Variants in RSF1 observed in about 807,000 individuals in gnomAD.
RSF1 encodes the protein HBV pX-associated protein 8.
A neutral mutation model predicts 145.2 loss-of-function variants in RSF1; 13 were observed. That is an observed-to-expected ratio of 0.09 (90% confidence interval 0.06 to 0.14). The LOEUF (loss-of-function observed/expected upper bound fraction) is 0.14, where lower values mean the gene tolerates loss of function less well. RSF1 is among the 10% of genes least tolerant of loss of function. RSF1 has a pLI of 1.00. For missense variants in RSF1, 1,517 were observed against 1,718.2 expected, an observed-to-expected ratio of 0.88 and a Z score of 2.07; for synonymous variants, 577 against 592.6, an observed-to-expected ratio of 0.97 and a Z score of 0.38.
chr11:77,672,177 G>T lies in RSF1; in HGVS notation c.3616C>A (p.Arg1206=). ...SDDFVETRRR[R]SRRNQKRQIN... is the part of the protein sequence containing the mutation. ...TGTCTTTTCTGATTTCTCCTTGACC[G>T]CCTTCGCCGAGTTTCTACAAAATCA... Residue 1206 remains arginine (R), a synonymous_variant, in exon 15 of 16, where the codon CGG becomes AGG. Coordinates refer to ENST00000308488, the MANE Select transcript of RSF1 (RefSeq NM_016578.4). 7 of 1,610,764 alleles carry T rather than the reference G, an allele frequency of 4.3e-6. No homozygotes were observed. Among genetic ancestry groups the T allele is most frequent in the Non-Finnish European group, 5.9e-6 (7 of 1,178,942 alleles).
At chr11:77,707,530 A>G (rs1960578776) in intron 5 of RSF1, among the ~76,000 whole-genome samples, 1 of 152,242 alleles carries the variant, frequency 6.6e-6, no homozygotes, top group Non-Finnish European at 1.5e-5. Context: ...AAACAAAATT[A>G]GCCATGGATG....
At chr11:77,709,688 C>CT (rs762002217) in intron 5 of RSF1, among the ~76,000 whole-genome samples, 37 of 145,706 alleles carry the variant, frequency 2.5e-4, no homozygotes, top group Non-Finnish European at 4.9e-4. Flanking sequence ...TGAATTTGTG[C>CT]CAATTCTTTT....
intron 1 of RSF1, among the ~76,000 whole-genome samples, chr11:77,807,011 A>G (rs773849974): frequency 1.3e-5 from 2 of 152,256 alleles, no homozygotes; most frequent in Non-Finnish European, 2.9e-5. Flanking sequence ...AATTCCTTAT[A>G]GAATTTATTG....
At chr11:77,732,448 T>C (rs1040273798) in intron 4 of RSF1, among the ~76,000 whole-genome samples, 3 of 152,268 alleles carry the variant, frequency 2.0e-5, no homozygotes, top group African/African-American at 4.8e-5. Context: ...TGGGAAGGCA[T>C]GATTGGTTTT....
intron 2 of RSF1, among the ~76,000 whole-genome samples, chr11:77,754,814 G>A (rs1234679538): frequency 2.0e-5 from 3 of 151,606 alleles, no homozygotes; most frequent in African/African-American, 7.3e-5. Flanking sequence ...GCTCATGTGT[G>A]TAGTCCCAGC....
intron 5 of RSF1, among the ~76,000 whole-genome samples, chr11:77,706,568 C>T (rs760829005): frequency 6.6e-6 from 1 of 152,136 alleles, no homozygotes; most frequent in Admixed American, 6.5e-5. Flanking sequence ...AATTCAGTTT[C>T]CCAAAGCTGC....
At chr11:77,736,786 C>G (rs1487151333) in intron 4 of RSF1, among the ~76,000 whole-genome samples, 2 of 152,190 alleles carry the variant, frequency 1.3e-5, no homozygotes, top group Non-Finnish European at 2.9e-5. Flanking sequence ...CTATTCTTTA[C>G]AAGTTGAGGC....
rs398045289 is a variant in RSF1 at position 77,729,895 on chromosome 11, C to CAAAAAAAAAAAAAAAAAAAAAAAA, written c.579-4220_579-4197dup. 1.3e-3 allele frequency among the ~76,000 whole-genome samples: 66 copies of CAAAAAAAAAAAAAAAAAAAAAAAA among 48,936 alleles called. 9 individuals are homozygous for CAAAAAAAAAAAAAAAAAAAAAAAA. Among genetic ancestry groups the CAAAAAAAAAAAAAAAAAAAAAAAA allele is most frequent in the Middle Eastern group, 0.019 (1 of 52 alleles). 32.1% of individuals were successfully genotyped at this position (48,936 alleles called of 152,430 possible). ...TATAAATGCCAAATTATTCAGTAGG[C>CAAAAAAAAAAAAAAAAAAAAAAAA]AAAAAAAAAAAAAAAAAAAAAAAAA... On this transcript the variant is annotated intron_variant, in intron 4 of 15. Coordinates refer to ENST00000308488, the MANE Select transcript of RSF1 (RefSeq NM_016578.4).
chr11:77,709,637 T>C (rs1478413298), intron 5 of RSF1, among the ~76,000 whole-genome samples: 1 of 152,232 alleles, frequency 6.6e-6, no homozygotes. Flanking sequence ...GAAAATTTTA[T>C]GCAAGCTGCC....
Position 77,663,443 on chromosome 11 carries a change from ATTAAT to A in RSF1, c.*3469_*3473del, listed in dbSNP as rs1401931946. 2.6e-5 allele frequency: 4 copies of A among 152,196 alleles called. No homozygotes were observed. Among genetic ancestry groups the A allele is most frequent in the Non-Finnish European group, 5.9e-5 (4 of 68,024 alleles). 9.4% of individuals were successfully genotyped at this position (152,196 alleles called of 1,614,324 possible). ...TGGGTACGTGTAACACCCTTTTAAA[ATTAAT>A]TTGTTTAAAAATTATTTTTCAAAAG... is the stretch of plus-strand genomic sequence containing the variant. On this transcript the variant is annotated 3_prime_UTR_variant, in exon 16 of 16. Coordinates refer to ENST00000308488, the MANE Select transcript of RSF1 (RefSeq NM_016578.4).
chr11:77,785,079 G>A (rs1006936386), intron 1 of RSF1, among the ~76,000 whole-genome samples: 1 of 152,050 alleles, frequency 6.6e-6, no homozygotes, highest in South Asian at 2.1e-4. Flanking sequence ...CTGTTTCTGC[G>A]GTCCTAAAGC....
In RSF1 at chr11:77,734,720, A is replaced by G. The variant is rs1436893739; in HGVS notation, c.578+6011T>C. ...ACATTTTTTTCCAAATGTAATGCAC[A>G]CTCCATCACATTCAGCCCGCTCTCC... On this transcript the variant is annotated intron_variant, in intron 4 of 15. Transcript: ENST00000308488. The G allele has an allele frequency of 3.5e-6, 5 of 1,431,478 alleles. No homozygotes were observed. The East Asian group carries it at 9.1e-5, about 26-fold the overall frequency. 88.7% of individuals were successfully genotyped at this position (1,431,478 alleles called of 1,614,324 possible).
chr11:77,836,696 C>T, the RSF1 span, among the ~76,000 whole-genome samples: 3 of 152,152 alleles, frequency 2.0e-5, no homozygotes, highest in South Asian at 2.1e-4. Flanking sequence ...CCGGGCGCAG[C>T]GGCTTACGCT....
intron 3 of RSF1, 69 bp from the exon 4 acceptor site, chr11:77,741,005 A>C (rs554600291): frequency 8.6e-7 from 1 of 1,160,248 alleles, no homozygotes; most frequent in Non-Finnish European, 1.3e-6. Context: ...AATATGATAC[A>C]ACCGTAGAAT....
chr11:77,677,129 T>G (rs1447818303), intron 12 of RSF1, 130 bp from the exon 13 acceptor site: 1 of 716,094 alleles, frequency 1.4e-6, no homozygotes, highest in Non-Finnish European at 2.3e-6. Flanking sequence ...CCAACAAATA[T>G]GCAGTTTTCT....
intron 1 of RSF1, chr11:77,813,731 G>T: frequency 2.6e-6 from 1 of 379,640 alleles, no homozygotes; most frequent in South Asian, 2.3e-5. Flanking sequence ...GAACAGTAGT[G>T]AGTAAGGAGC....
intron 5 of RSF1, among the ~76,000 whole-genome samples, chr11:77,715,457 TA>T (rs147986304): frequency 0.014 from 2,134 of 152,314 alleles, 51 homozygotes; most frequent in African/African-American, 0.047. Context: ...TTTATTTATT[TA>T]TTTTTTTGAG....
At chr11:77,802,284 T>C (rs1948633603) in intron 1 of RSF1, among the ~76,000 whole-genome samples, 2 of 152,154 alleles carry the variant, frequency 1.3e-5, no homozygotes, top group East Asian at 3.9e-4. Flanking sequence ...GACAGAAGTG[T>C]GGGGACCCTT....
At chr11:77,712,976 T>C (rs1960722455) in intron 5 of RSF1, among the ~76,000 whole-genome samples, 1 of 152,206 alleles carries the variant, frequency 6.6e-6, no homozygotes. Context: ...ATCTTGTGTT[T>C]TCCCTGCCTG....
Sources: allele counts gnomAD v4.1 joint callset (sites outside exome capture counted in the v4.1 genomes callset), GRCh38; gene constraint gnomAD v4.1.1; transcripts MANE v1.5; gene names NCBI Gene and HGNC (gene_info 2026-07-23, HGNC 2026-07-21).